The following MYO15B variants were observed in gnomAD, a reference collection of about 807,000 sequenced individuals.
The protein encoded by MYO15B is myosin XVB, also known as myosin XVB pseudogene.
In MYO15B, 207 loss-of-function variants were observed where a neutral mutation model predicts 119.3. The observed-to-expected ratio is 1.73, with a 90% confidence interval of 1.55 to 1.95. The LOEUF (loss-of-function observed/expected upper bound fraction) is 1.95. MYO15B is among the 30% of genes most tolerant of loss of function. MYO15B has a pLI of 0.00. For synonymous variants in MYO15B, 966 were observed against 498.9 expected (o/e 1.94, Z -12.48); for missense variants, 2,264 against 1,203.1 (o/e 1.88, Z -13.04).
chr17:75,616,902 G>A (rs1236853194), exon 40 of MYO15B: 1 of 702,970 alleles, frequency 1.4e-6, no homozygotes, highest in South Asian at 1.5e-5. Flanking sequence ...GAGGAAAATC[G>A]ACCCCAAGGA....
At chr17:75,616,023 T>C in intron 36 of MYO15B, 46 bp from the exon 37 acceptor site, 1 of 582,416 alleles carries the variant, frequency 1.7e-6, no homozygotes, top group Non-Finnish European at 3.1e-6. Flanking sequence ...GTGGCGAGTG[T>C]GGCACCCAGG....
chr17:75,619,884 C>T (rs1003316489), exon 47 of MYO15B: 20 of 701,618 alleles, frequency 2.9e-5, no homozygotes, highest in East Asian at 1.9e-4. Context: ...CGCAGCTTTG[C>T]GGAGGTGCTG....
At position 75,592,845 on chromosome 17, in the gene MYO15B, G is replaced by A; in HGVS notation, c.2991+5G>A. ...ATCTGCTTCTCCTCCTCAGAGGTGG[G>A]CTTCCCCGTGGGCAGGGGCCATCTG... is the stretch of plus-strand genomic sequence containing the variant. On this transcript the variant is annotated splice_donor_5th_base_variant and intron_variant, in intron 9 of 63. Transcript: ENST00000645453. 1 of 700,522 alleles carries A rather than the reference G, an allele frequency of 1.4e-6. No homozygotes were observed. The allele number at this position is 700,522 out of a possible 1,614,324, so 43.4% of individuals were successfully genotyped here.
chr17:75,606,143 C>G (rs1435378638), intron 21 of MYO15B, 122 bp downstream of exon 21: 4 of 583,246 alleles, frequency 6.9e-6, no homozygotes, highest in African/African-American at 5.6e-5. Context: ...GCCCCAGTGC[C>G]ATCTCATCGG....
Position 75,621,442 on chromosome 17 carries a change from G to A in MYO15B, c.7935+34G>A, listed in dbSNP as rs1308274354. ...GAGGCAGGGAGGGGTCTGGCCCGTA[G>A]ATCTGCCCTCTGACCCCCACGGCCC... On this transcript the variant is annotated intron_variant, in intron 51 of 63. Transcript: ENST00000645453. 1.6e-5 allele frequency: 11 copies of A among 698,956 alleles called. No homozygotes were observed. In the African/African-American group the frequency reaches 1.9e-4, roughly 12 times the overall value. The allele number at this position is 698,956 out of a possible 1,614,324, so 43.3% of individuals were successfully genotyped here.
chr17:75,614,250 C>G, exon 30 of MYO15B: 1 of 702,782 alleles, frequency 1.4e-6, no homozygotes, highest in South Asian at 1.5e-5. Context: ...ACTCCAGGGA[C>G]GCATGGCAGG....
At chr17:75,610,713 GCCCACA>G in intron 22 of MYO15B, 181 bp from the exon 23 acceptor site, 1 of 586,672 alleles carries the variant, frequency 1.7e-6, no homozygotes, top group East Asian at 2.8e-5. Flanking sequence ...GGGCACAGAC[GCCCACA>G]GTGCTAAGGC....
At chr17:75,607,158 C>T in intron 21 of MYO15B, 1 of 390,300 alleles carries the variant, frequency 2.6e-6, no homozygotes, top group Non-Finnish European at 4.5e-6. Context: ...CAGGCATCTC[C>T]ACTATCTATT....
exon 36 of MYO15B, chr17:75,615,815 G>A: frequency 1.4e-6 from 1 of 702,606 alleles, no homozygotes; most frequent in Non-Finnish European, 2.6e-6. Flanking sequence ...TCACCTCCAA[G>A]CCCAGGAAGC....
At position 75,626,071 on chromosome 17, in the gene MYO15B, C is replaced by A. The variant is rs1481870406; in HGVS notation, c.9073-17C>A. The A allele has an allele frequency of 5.7e-6, 4 of 701,720 alleles. No homozygotes were observed. The highest frequency in any genetic ancestry group is 5.2e-6 in the Non-Finnish European group (2 of 384,440). The allele number at this position is 701,720 out of a possible 1,614,324, so 43.5% of individuals were successfully genotyped here. ...CTCCCCGGAGAGGAGACCAGCCCTGCTCTCTGCTGCCCCCAGAGCCTGTAC... is the reference window on the plus strand; with the variant it reads ...CTCCCCGGAGAGGAGACCAGCCCTGATCTCTGCTGCCCCCAGAGCCTGTAC... On this transcript the variant is annotated splice_polypyrimidine_tract_variant and intron_variant, in intron 62 of 63. Transcript: ENST00000645453.
chr17:75,588,329 G>A (rs2056192541), exon 1 of MYO15B: 7 of 398,370 alleles, frequency 1.8e-5, no homozygotes, highest in Middle Eastern at 6.2e-4. Flanking sequence ...GCCCAGGAGA[G>A]GCAAAGCAAC....
Position 75,615,717 on chromosome 17 carries a change from A to ATGTCCC in MYO15B, c.5872_5877dup (p.Ser1958_Leu1959dup). ...GGCCCAGCAGATGACAGCCCAGGCC[A>ATGTCCC]TGTCCCTGTCCCTGGAGCAGCAGAT... is the stretch of plus-strand genomic sequence containing the variant. On this transcript the variant is annotated inframe_insertion, in exon 36 of 64. Coordinates refer to ENST00000645453, the Ensembl canonical transcript of MYO15B. 3 of 694,982 alleles carry ATGTCCC rather than the reference A, an allele frequency of 4.3e-6. No homozygotes were observed. In the South Asian group the frequency reaches 4.5e-5, roughly 10 times the overall value. 43.1% of individuals were successfully genotyped at this position (694,982 alleles called of 1,614,324 possible).
At chr17:75,612,650 C>T (rs2058096778) in intron 25 of MYO15B, 148 bp from the exon 26 acceptor site, 2 of 594,308 alleles carry the variant, frequency 3.4e-6, no homozygotes, top group Non-Finnish European at 5.9e-6. Flanking sequence ...GGGCGACAGA[C>T]AAGACTCTGC....
intron 43 of MYO15B, 57 bp downstream of exon 43, chr17:75,618,242 C>T (rs2058496304): frequency 1.4e-6 from 1 of 700,480 alleles, no homozygotes; most frequent in Non-Finnish European, 2.6e-6. Context: ...ATCCTTCGTG[C>T]CCTTTGTCTA....
chr17:75,614,567 A>G lies in MYO15B; in HGVS notation c.5382-16A>G, dbSNP rs772978556. On this transcript the variant is annotated splice_polypyrimidine_tract_variant and intron_variant, in intron 30 of 63. Coordinates refer to ENST00000645453, the Ensembl canonical transcript of MYO15B. Reference sequence around the variant, plus strand: ...CAGCCTTGGCCACCCCCTTAGCTGGATCCCGTTTCCTGCAGAGCCGAGGCC... The same window carrying G: ...CAGCCTTGGCCACCCCCTTAGCTGGGTCCCGTTTCCTGCAGAGCCGAGGCC... 26 of 699,196 alleles carry G rather than the reference A, an allele frequency of 3.7e-5. No homozygotes were observed. The South Asian group carries it at 3.9e-4, about 10-fold the overall frequency. The allele number at this position is 699,196 out of a possible 1,614,324, so 43.3% of individuals were successfully genotyped here. A position where few individuals can be genotyped will look rare whatever the true frequency, so the allele number is the denominator to read the frequency against.
chr17:75,620,663 A>G, intron 49 of MYO15B, 27 bp downstream of exon 49: 1 of 694,716 alleles, frequency 1.4e-6, no homozygotes, highest in South Asian at 1.5e-5. Context: ...AGGGACAAGC[A>G]GAGGCAAGGC....
chr17:75,617,072 C>T lies in MYO15B; in HGVS notation c.6595-13C>T, dbSNP rs181266155. On this transcript the variant is annotated splice_polypyrimidine_tract_variant and intron_variant, in intron 40 of 63. Coordinates refer to ENST00000645453, the Ensembl canonical transcript of MYO15B. ...TGTGACTCAGCCCGTGTACTTTCTC[C>T]GTATCCCCCCAGATGCTGTCCCCCA... 1.9e-5 allele frequency: 13 copies of T among 683,910 alleles called. No individual in the cohort carries two copies. The highest frequency in any genetic ancestry group is 4.1e-5 in the Admixed American group (2 of 48,752). The allele number at this position is 683,910 out of a possible 1,614,324, so 42.4% of individuals were successfully genotyped here. A position where few individuals can be genotyped will look rare whatever the true frequency, so the allele number is the denominator to read the frequency against.
chr17:75,601,435 TAGGCCACGGACCACACCTTCCTCCAG>T lies in MYO15B; in HGVS notation c.3526-1_3550del, dbSNP rs1362957123. The T allele has an allele frequency of 4.3e-6, 3 of 702,854 alleles. No individual in the cohort carries two copies. Among genetic ancestry groups the T allele is most frequent in the Non-Finnish European group, 5.2e-6 (2 of 384,972 alleles). 43.5% of individuals were successfully genotyped at this position (702,854 alleles called of 1,614,324 possible). The stretch of plus-strand genomic sequence containing the variant: ...TGAAGGGAGCTCATGGCTCCTCTCC[TAGGCCACGGACCACACCTTCCTCCAG>T]AAGAGCCACTATCACCATGGTGACC... On this transcript the variant is annotated splice_acceptor_variant and coding_sequence_variant, in exon 15 of 64. Coordinates refer to ENST00000645453, the Ensembl canonical transcript of MYO15B. LOFTEE classifies it high-confidence loss of function.
At position 75,593,197 on chromosome 17, in the gene MYO15B, T is replaced by TAAA. The variant is rs5822094; in HGVS notation, c.2991+378_2991+380dup. On this transcript the variant is annotated intron_variant, in intron 9 of 63. Coordinates refer to ENST00000645453, the Ensembl canonical transcript of MYO15B. ...CAACATAGAGAAACCCCGTCTCTAT[T>TAAA]AAAAAAAAAAAAAAAAAAAAAAAGG... 4.1e-3 allele frequency among the ~76,000 whole-genome samples: 306 copies of TAAA among 74,204 alleles called. 1 individual carries two copies. The highest frequency in any genetic ancestry group is 0.02 in the East Asian group (42 of 2,088). The allele number at this position is 74,204 out of a possible 152,430, so 48.7% of individuals were successfully genotyped here.
Sources: gnomAD v4.1 joint callset for allele counts (sites outside exome capture counted in the v4.1 genomes callset) on GRCh38, gnomAD v4.1.1 for gene constraint, MANE v1.5 for transcripts, NCBI Gene and HGNC (gene_info 2026-07-23, HGNC 2026-07-21) for gene names.